INTS6: variants seen among roughly 807,000 people sequenced by gnomAD.
INTS6 encodes the protein DEAD box protein.
INTS6 carries 16 observed loss-of-function variants against 104.9 expected under a neutral mutation model. The ratio of observed to expected loss-of-function variants is 0.15; its 90% confidence interval spans 0.10 to 0.23. The LOEUF (loss-of-function observed/expected upper bound fraction) is 0.23, where lower values mean the gene tolerates loss of function less well. INTS6 is among the 10% of genes least tolerant of loss of function. The probability of loss-of-function intolerance (pLI) is 1.00; values close to 1 mark genes in which losing one functional copy is unlikely to be tolerated. For missense variants in INTS6, 584 were observed against 1,062.8 expected (o/e 0.55, Z 6.26); for synonymous variants, 324 against 358.7 (o/e 0.90, Z 1.09).
chr13:51,378,165 G>A (rs1955970879), intron 12 of INTS6, 74 bp downstream of exon 12: 3 of 1,098,664 alleles, frequency 2.7e-6, no homozygotes. Context: ...GAATGTCAGA[G>A]TTAACAGAAA....
chr13:51,338,447 GTGGATGGATGGA>G, the INTS6 span, among the ~76,000 whole-genome samples: 1 of 149,092 alleles, frequency 6.7e-6, no homozygotes, highest in Non-Finnish European at 1.5e-5. Flanking sequence ...GGATGGATAG[GTGGATGGATGGA>G]TGGATGGATG....
chr13:51,428,895 G>A (rs1482252784), intron 4 of INTS6, among the ~76,000 whole-genome samples: 2 of 152,118 alleles, frequency 1.3e-5, no homozygotes, highest in Admixed American at 1.3e-4. Flanking sequence ...AACAATTTTA[G>A]CTCTTTTCCC....
intron 5 of INTS6, among the ~76,000 whole-genome samples, chr13:51,389,655 G>A (rs899111290): frequency 1.3e-5 from 2 of 152,142 alleles, no homozygotes; most frequent in African/African-American, 2.4e-5. Flanking sequence ...ATCCCATTTT[G>A]TGAGAGTATG....
chr13:51,349,249 C>A (rs1316546447), downstream of INTS6, among the ~76,000 whole-genome samples: 5 of 152,132 alleles, frequency 3.3e-5, no homozygotes, highest in Non-Finnish European at 7.4e-5. Context: ...GGCAGTACTC[C>A]CTTGAGGAGT....
At chr13:51,358,122 G>A (rs1342223966), downstream of INTS6, among the ~76,000 whole-genome samples, 1 of 152,018 alleles carries the variant, frequency 6.6e-6, no homozygotes, top group Non-Finnish European at 1.5e-5. Context: ...ATTCTTCTTA[G>A]CACTCTCTCT....
At chr13:51,449,866 T>G (rs1952998276) in intron 3 of INTS6, 2 of 985,374 alleles carry the variant, frequency 2.0e-6, no homozygotes, top group Non-Finnish European at 2.4e-6. Context: ...AAGTACATAT[T>G]TACCTAACTA....
At chr13:51,401,624 G>A (rs1262176551) in intron 4 of INTS6, among the ~76,000 whole-genome samples, 1 of 152,010 alleles carries the variant, frequency 6.6e-6, no homozygotes, top group Non-Finnish European at 1.5e-5. Context: ...ATTAGAAGGC[G>A]CAAGTTATTC....
chr13:51,371,400 T>C (rs141795145), intron 15 of INTS6, among the ~76,000 whole-genome samples: 1 of 152,296 alleles, frequency 6.6e-6, no homozygotes, highest in African/African-American at 2.4e-5. Flanking sequence ...CTCTACTTTC[T>C]TCCTCCTATT....
intron 5 of INTS6, among the ~76,000 whole-genome samples, chr13:51,393,706 A>G (rs1208443973): frequency 6.6e-6 from 1 of 152,178 alleles, no homozygotes; most frequent in Non-Finnish European, 1.5e-5. Flanking sequence ...ATTGAAAGAT[A>G]TCACCAAGGA....
chr13:51,366,307 G>T lies in INTS6; in HGVS notation c.2571-462C>A, dbSNP rs139253762. Among the ~76,000 whole-genome samples, 544 of 152,022 alleles carry T rather than the reference G, an allele frequency of 3.6e-3. 4 individuals carry two copies. Among genetic ancestry groups the T allele is most frequent in the African/African-American group, 0.013 (522 of 41,516 alleles). On this transcript the variant is annotated intron_variant, in intron 17 of 17. Transcript: ENST00000311234. ...AAAATGGAAGAAGAAATGAAAATTG[G>T]TCAGCAGCATTTAAAAACCATGGTA... is the stretch of plus-strand genomic sequence containing the variant.
chr13:51,452,717 C>G lies in INTS6; in HGVS notation c.-192G>C. The G allele has an allele frequency of 1.5e-6, 2 of 1,293,834 alleles. No homozygotes were observed. The highest frequency in any genetic ancestry group is 2.0e-6 in the Non-Finnish European group (2 of 1,019,310). The allele number at this position is 1,293,834 out of a possible 1,614,324, so 80.1% of individuals were successfully genotyped here. A position where few individuals can be genotyped will look rare whatever the true frequency, so the allele number is the denominator to read the frequency against. The stretch of plus-strand genomic sequence containing the variant: ...ATAGTTGAGAGGAAACTCCCCAGAC[C>G]CAGTGCTCCCCGTCGTACCCCCGCC... On this transcript the variant is annotated 5_prime_UTR_variant, in exon 1 of 18. Transcript: ENST00000311234. The surrounding 1 kb of genome is among the most constrained non-coding windows in gnomAD (Gnocchi z 4.2).
At chr13:51,361,192 G>T (rs139464731), downstream of INTS6, 956 of 874,448 alleles carry the variant, frequency 1.1e-3, 11 homozygotes, top group East Asian at 0.022. Context: ...TATAAATTTT[G>T]TAAGTACATT....
rs1244507608 is a variant in INTS6, at chr13:51,362,040, T to C, written c.*3712A>G. On this transcript the variant is annotated 3_prime_UTR_variant, in exon 18 of 18. Coordinates refer to ENST00000311234, the MANE Select transcript of INTS6 (RefSeq NM_012141.3). ...CAGAAGCTACCCAGTTGCTATCTTCTATCCTAAGAAAGGGGACTATTTCGT... is the reference window on the plus strand; with the variant it reads ...CAGAAGCTACCCAGTTGCTATCTTCCATCCTAAGAAAGGGGACTATTTCGT... 2 of 1,589,820 alleles carry C rather than the reference T, an allele frequency of 1.3e-6. No homozygotes were observed. The highest frequency in any genetic ancestry group is 1.7e-6 in the Non-Finnish European group (2 of 1,172,830).
At chr13:51,375,773 G>A (rs547626946) in intron 13 of INTS6, among the ~76,000 whole-genome samples, 18 of 152,214 alleles carry the variant, frequency 1.2e-4, no homozygotes, top group Admixed American at 7.2e-4. Flanking sequence ...GTGTGCGCGC[G>A]CGTGCGCGCA....
rs115956284 is a variant in INTS6, at chr13:51,401,468, G to A, written c.430-5985C>T. ...AATAGGATTTTTATTTCTGAACACT[G>A]GATGGGATAAGAGTTTCATAAGAGC... On this transcript the variant is annotated intron_variant, in intron 4 of 17. Transcript: ENST00000311234. 1.3e-3 allele frequency among the ~76,000 whole-genome samples: 203 copies of A among 152,190 alleles called. 1 individual carries two copies. Among genetic ancestry groups the A allele is most frequent in the African/African-American group, 4.8e-3 (198 of 41,536 alleles).
intron 3 of INTS6, chr13:51,448,260 T>A (rs1408499639): frequency 2.0e-5 from 3 of 152,226 alleles, no homozygotes; most frequent in Admixed American, 2.0e-4. Flanking sequence ...CGTGAAAAAC[T>A]TATGTATCAA....
At chr13:51,355,155 T>G in intron 3 of INTS6, 461 of 1,367,830 alleles carry the variant, frequency 3.4e-4, no homozygotes, top group Non-Finnish European at 4.3e-4. Context: ...TAAAAACGGT[T>G]CTTCTTCCAA....
intron 12 of INTS6, 124 bp downstream of exon 12, chr13:51,378,115 T>G (rs1439303395): frequency 8.5e-6 from 6 of 707,720 alleles, no homozygotes; most frequent in African/African-American, 1.8e-5. Context: ...ATCATTAGTC[T>G]ACAAGAGTAC....
intron 12 of INTS6, 26 bp from the exon 13 acceptor site, chr13:51,376,200 A>G: frequency 1.3e-6 from 2 of 1,570,688 alleles, no homozygotes; most frequent in Non-Finnish European, 1.7e-6. Context: ...CGAGGACAAA[A>G]TTTATTGTCA....
Sources: gnomAD v4.1 joint callset for allele counts (sites outside exome capture counted in the v4.1 genomes callset) on GRCh38, gnomAD v4.1.1 for gene constraint, Gnocchi (gnomAD v3.1) non-coding constraint, MANE v1.5 for transcripts, NCBI Gene and HGNC (gene_info 2026-07-23, HGNC 2026-07-21) for gene names.